Variants in DSCAM observed in about 807,000 individuals in gnomAD.
The protein encoded by DSCAM is DS cell adhesion molecule.
In DSCAM, 47 loss-of-function variants were observed where a neutral mutation model predicts 217.7. That is an observed-to-expected ratio of 0.22 (90% confidence interval 0.17 to 0.28). DSCAM has a LOEUF of 0.28. Ranked by LOEUF, DSCAM falls within the 10% of genes least tolerant of loss-of-function variation. The pLI, the probability that DSCAM is intolerant of heterozygous loss-of-function variation, is 1.00. For synonymous variants in DSCAM, 1,056 were observed against 1,015.3 expected, an observed-to-expected ratio of 1.04 and a Z score of -0.76; for missense variants, 2,080 against 2,618.3, an observed-to-expected ratio of 0.79 and a Z score of 4.49.
chr21:40,629,076 G>GGTGT (rs57351838), intron 3 of DSCAM, among the ~76,000 whole-genome samples: 140 of 144,354 alleles, frequency 9.7e-4, no homozygotes, highest in East Asian at 4.2e-3. Flanking sequence ...GTGTGTGTGT[G>GGTGT]GTGTGTGTGT....
chr21:40,457,529 AAAAC>A (rs34271830), intron 3 of DSCAM, among the ~76,000 whole-genome samples: 1,932 of 150,978 alleles, frequency 0.013, 12 homozygotes, highest in Middle Eastern at 0.017. Flanking sequence ...ATAATAAAAT[AAAAC>A]AAACAAACAA....
intron 3 of DSCAM, among the ~76,000 whole-genome samples, chr21:40,514,324 C>G (rs1339466925): frequency 6.6e-6 from 1 of 152,150 alleles, no homozygotes; most frequent in South Asian, 2.1e-4. Flanking sequence ...TTCATCATCC[C>G]AGGGAAAATG....
intron 1 of DSCAM, among the ~76,000 whole-genome samples, chr21:40,802,737 C>CT (rs2091753275): frequency 6.6e-6 from 1 of 152,204 alleles, no homozygotes; most frequent in Admixed American, 6.5e-5. Context: ...CCTGGGCTGC[C>CT]TCAGGACTCT....
intron 32 of DSCAM, among the ~76,000 whole-genome samples, chr21:40,028,115 C>G (rs1388071019): frequency 2.5e-5 from 2 of 78,986 alleles, no homozygotes; most frequent in Non-Finnish European, 5.0e-5. Flanking sequence ...TGTTGGAGTA[C>G]CCTGCCCTGT....
At chr21:40,806,509 T>C (rs1366108150) in intron 1 of DSCAM, among the ~76,000 whole-genome samples, 3 of 152,240 alleles carry the variant, frequency 2.0e-5, no homozygotes, top group Admixed American at 2.0e-4. Context: ...AAAAGTCACA[T>C]AATTTATTTC....
At chr21:40,124,441 C>A in intron 19 of DSCAM, 113 bp from the exon 20 acceptor site, 1 of 1,376,468 alleles carries the variant, frequency 7.3e-7, no homozygotes, top group East Asian at 2.3e-5. Context: ...TCAGGATGAG[C>A]GTTATGGGTT....
chr21:40,475,972 A>G (rs566901934), intron 3 of DSCAM, among the ~76,000 whole-genome samples: 1 of 152,320 alleles, frequency 6.6e-6, no homozygotes, highest in African/African-American at 2.4e-5. Context: ...CTGTCAGGTT[A>G]TCCAATCCTA....
chr21:40,192,265 C>G (rs1241032119), intron 11 of DSCAM, among the ~76,000 whole-genome samples: 1 of 152,108 alleles, frequency 6.6e-6, no homozygotes, highest in East Asian at 1.9e-4. Context: ...GTGTCCCCAC[C>G]CAACTCTCAT....
At chr21:40,072,678 C>T (rs1039928494) in intron 27 of DSCAM, among the ~76,000 whole-genome samples, 2 of 152,018 alleles carry the variant, frequency 1.3e-5, no homozygotes, top group African/African-American at 4.8e-5. Context: ...TTGAGAGAAC[C>T]CTTTATTAGC....
At chr21:40,191,950 C>T (rs1000993317) in intron 11 of DSCAM, among the ~76,000 whole-genome samples, 5 of 152,250 alleles carry the variant, frequency 3.3e-5, no homozygotes, top group African/African-American at 1.2e-4. Flanking sequence ...CTCTTCTTAA[C>T]GAATTATATT....
intron 3 of DSCAM, among the ~76,000 whole-genome samples, chr21:40,575,307 G>A (rs1041689603): frequency 3.6e-4 from 54 of 150,522 alleles, no homozygotes; most frequent in African/African-American, 1.2e-3. Context: ...ATCTCTGTTC[G>A]CTGACTCTTT....
At chr21:40,659,064 A>G (rs1477398558) in intron 3 of DSCAM, among the ~76,000 whole-genome samples, 4 of 152,148 alleles carry the variant, frequency 2.6e-5, no homozygotes. Context: ...CCAGGATTGC[A>G]GGGCTCAGCA....
intron 3 of DSCAM, among the ~76,000 whole-genome samples, chr21:40,636,774 T>C (rs1299725015): frequency 6.6e-6 from 1 of 151,154 alleles, no homozygotes; most frequent in Non-Finnish European, 1.5e-5. Context: ...TTTTTTTTTT[T>C]TTTCACAACA....
At chr21:40,348,004 G>A (rs1472305441) in intron 5 of DSCAM, 59 bp from the exon 6 acceptor site, 88 of 1,533,864 alleles carry the variant, frequency 5.7e-5, no homozygotes, top group South Asian at 2.0e-4. Flanking sequence ...ATAGCATTTC[G>A]ACAACAGGCT....
intron 2 of DSCAM, among the ~76,000 whole-genome samples, chr21:40,701,691 CAG>C (rs138898271): frequency 0.1 from 15,590 of 151,460 alleles, 885 homozygotes; most frequent in Admixed American, 0.17. Flanking sequence ...TTTTTTGACA[CAG>C]ATCATTTAAA....
At chr21:40,625,534 C>T (rs2089588681) in intron 3 of DSCAM, among the ~76,000 whole-genome samples, 1 of 152,048 alleles carries the variant, frequency 6.6e-6, no homozygotes, top group South Asian at 2.1e-4. Context: ...GGAGTGCAAG[C>T]CCTCATCCTA....
intron 16 of DSCAM, among the ~76,000 whole-genome samples, chr21:40,160,385 C>T (rs574122303): frequency 7.2e-5 from 11 of 152,146 alleles, no homozygotes; most frequent in South Asian, 2.1e-4. Context: ...ATTTAACTTA[C>T]GCTAATGTTA....
chr21:40,673,803 C>T (rs1337130358), intron 3 of DSCAM, among the ~76,000 whole-genome samples: 1 of 152,130 alleles, frequency 6.6e-6, no homozygotes, highest in Admixed American at 6.5e-5. Context: ...CCAGCTCTGA[C>T]TTCCACCATG....
chr21:40,446,530 G>A (rs564266327), intron 3 of DSCAM, among the ~76,000 whole-genome samples: 148 of 152,244 alleles, frequency 9.7e-4, no homozygotes, highest in African/African-American at 2.9e-3. Context: ...AAAAAGTGAA[G>A]GATCAACTGC....
Sources: allele counts gnomAD v4.1 joint callset (sites outside exome capture counted in the v4.1 genomes callset), GRCh38; gene constraint gnomAD v4.1.1; transcripts MANE v1.5; gene names NCBI Gene and HGNC (gene_info 2026-07-23, HGNC 2026-07-21).